The following RGS6 variants were observed in gnomAD, a reference collection of about 807,000 sequenced individuals.
RGS6 encodes the protein regulator of G-protein signaling 6.
A neutral mutation model predicts 78.5 loss-of-function variants in RGS6; 30 were observed. That is an observed-to-expected ratio of 0.38 (90% CI 0.29 to 0.52). The LOEUF (loss-of-function observed/expected upper bound fraction) is 0.52, where lower values mean the gene tolerates loss of function less well. Ranked by LOEUF, RGS6 falls within the 20% of genes least tolerant of loss-of-function variation. The probability of loss-of-function intolerance (pLI) is 0.85; values close to 1 mark genes in which losing one functional copy is unlikely to be tolerated. For missense variants in RGS6, 495 were observed against 609.7 expected, an observed-to-expected ratio of 0.81 and a Z score of 1.98; for synonymous variants, 206 against 206.0, an observed-to-expected ratio of 1.00 and a Z score of 0.00.
At chr14:72,598,615 A>G in the RGS6 span, among the ~76,000 whole-genome samples, 1 of 152,198 alleles carries the variant, frequency 6.6e-6, no homozygotes, top group Non-Finnish European at 1.5e-5. Flanking sequence ...GGCTTGCCAC[A>G]GCTTCCCACC....
At chr14:71,903,332 A>G in the RGS6 span, among the ~76,000 whole-genome samples, 1 of 152,180 alleles carries the variant, frequency 6.6e-6, no homozygotes. Context: ...CTGGCACAGT[A>G]CTCTGCACAT....
chr14:72,431,147 A>G (rs1267295479), intron 3 of RGS6, among the ~76,000 whole-genome samples: 3 of 152,216 alleles, frequency 2.0e-5, no homozygotes, highest in Non-Finnish European at 4.4e-5. Flanking sequence ...ACTTGGAAAC[A>G]ACAAGGAATC....
the RGS6 span, among the ~76,000 whole-genome samples, chr14:72,613,403 C>T: frequency 6.6e-6 from 1 of 152,220 alleles, no homozygotes; most frequent in Admixed American, 6.5e-5. Context: ...GCCTGCCAGT[C>T]CTGGTTCCTG....
intron 2 of RGS6, among the ~76,000 whole-genome samples, chr14:72,213,668 C>T (rs1470845287): frequency 1.3e-5 from 2 of 152,190 alleles, no homozygotes; most frequent in African/African-American, 4.8e-5. Context: ...GCTGTCACAT[C>T]ATCCCACGTG....
At chr14:72,368,629 C>T (rs976691910) in intron 3 of RGS6, among the ~76,000 whole-genome samples, 1 of 152,182 alleles carries the variant, frequency 6.6e-6, no homozygotes, top group Non-Finnish European at 1.5e-5. Context: ...TCAATTCATT[C>T]ATCCCAATTC....
intron 17 of RGS6, chr14:72,540,342 C>T (rs1158200527): frequency 6.9e-7 from 1 of 1,459,756 alleles, no homozygotes; most frequent in Non-Finnish European, 9.0e-7. Context: ...AGCCTCAGGC[C>T]TGGGCATTTG....
chr14:72,235,674 C>T (rs1267361728), intron 2 of RGS6, among the ~76,000 whole-genome samples: 1 of 152,138 alleles, frequency 6.6e-6, no homozygotes, highest in African/African-American at 2.4e-5. Flanking sequence ...TTTGTAACGC[C>T]AAACCTAGGA....
intron 5 of RGS6, among the ~76,000 whole-genome samples, chr14:72,458,935 A>G (rs1046258006): frequency 1.3e-5 from 2 of 152,226 alleles, no homozygotes; most frequent in Admixed American, 1.3e-4. Flanking sequence ...CATTCAGACC[A>G]TGGTAGACAC....
chr14:72,153,594 G>A (rs1039797981), intron 2 of RGS6, among the ~76,000 whole-genome samples: 1 of 152,194 alleles, frequency 6.6e-6, no homozygotes, highest in African/African-American at 2.4e-5. Flanking sequence ...AAGAGAAAGA[G>A]TACAAAGAGA....
rs143612427 is a variant in RGS6 at position 72,134,919 on chromosome 14, C to T, written c.84+170044C>T. 2.4e-3 allele frequency among the ~76,000 whole-genome samples: 359 copies of T among 152,236 alleles called. 4 individuals carry two copies. Among genetic ancestry groups the T allele is most frequent in the African/African-American group, 8.1e-3 (338 of 41,540 alleles). On this transcript the variant is annotated intron_variant, in intron 2 of 17. Transcript: ENST00000553525. ...GGCCCTCAACAGATTGGGTGGTGTC[C>T]GCCCACATTGGTGAGGGCAGATGTA...
chr14:72,100,099 C>A (rs80117220), intron 2 of RGS6, among the ~76,000 whole-genome samples: 1 of 151,872 alleles, frequency 6.6e-6, no homozygotes, highest in African/African-American at 2.4e-5. Context: ...ACTAAAGGGA[C>A]GGTGAAGAGA....
At chr14:72,002,348 T>C (rs1456185817) in intron 2 of RGS6, among the ~76,000 whole-genome samples, 1 of 152,158 alleles carries the variant, frequency 6.6e-6, no homozygotes, top group Non-Finnish European at 1.5e-5. Context: ...AAGGTCAGAT[T>C]TTCCAGCTGC....
chr14:72,023,728 G>T (rs2089235875), intron 2 of RGS6, among the ~76,000 whole-genome samples: 1 of 152,168 alleles, frequency 6.6e-6, no homozygotes, highest in Admixed American at 6.5e-5. Flanking sequence ...CTTCCTCAGG[G>T]GAAAATTGAA....
At chr14:72,036,825 G>A (rs983268665) in intron 2 of RGS6, among the ~76,000 whole-genome samples, 1 of 152,074 alleles carries the variant, frequency 6.6e-6, no homozygotes, top group African/African-American at 2.4e-5. Flanking sequence ...TTTTAATTAT[G>A]ATGGTGTGAT....
intron 1 of RGS6, among the ~76,000 whole-genome samples, chr14:71,934,779 G>C (rs890784028): frequency 2.0e-5 from 3 of 152,182 alleles, no homozygotes; most frequent in Non-Finnish European, 2.9e-5. Flanking sequence ...AATTTTGTGT[G>C]AAAGTAGAAT....
chr14:72,193,661 A>T (rs1228743685), intron 2 of RGS6, among the ~76,000 whole-genome samples: 2 of 152,338 alleles, frequency 1.3e-5, no homozygotes, highest in African/African-American at 4.8e-5. Flanking sequence ...GAGAACAGAG[A>T]TAAAGTTTGG....
chr14:72,484,131 G>A (rs747551236), intron 12 of RGS6, among the ~76,000 whole-genome samples: 18 of 152,156 alleles, frequency 1.2e-4, no homozygotes, highest in Non-Finnish European at 1.8e-4. Flanking sequence ...AGCAGAGCGA[G>A]GCGTGCCAGC....
Position 72,562,661 on chromosome 14 carries a change from C to T in RGS6, c.*194C>T. On this transcript the variant is annotated 3_prime_UTR_variant, in exon 18 of 18. Transcript: ENST00000553525. ...GACCAGAAAGAAAGAGTCCACAGAG[C>T]CTGGGCTGGGCCCGGTGGAGGCTCC... The T allele has an allele frequency of 1.3e-6, 2 of 1,536,084 alleles. No homozygotes were observed. The highest frequency in any genetic ancestry group is 8.7e-7 in the Non-Finnish European group (1 of 1,146,902).
At chr14:72,323,212 C>T (rs966239486) in intron 2 of RGS6, among the ~76,000 whole-genome samples, 5 of 152,070 alleles carry the variant, frequency 3.3e-5, no homozygotes, top group Non-Finnish European at 7.4e-5. Flanking sequence ...AAAAATACTA[C>T]TCATGTTAAT....
Sources: gnomAD v4.1 joint callset for allele counts (sites outside exome capture counted in the v4.1 genomes callset) on GRCh38, gnomAD v4.1.1 for gene constraint, MANE v1.5 for transcripts, NCBI Gene and HGNC (gene_info 2026-07-23, HGNC 2026-07-21) for gene names.